DLG3: variants seen among roughly 807,000 people sequenced by gnomAD.
DLG3 encodes discs large MAGUK scaffold protein 3, also known as disks large homolog 3.
In DLG3, 1 loss-of-function variant was observed where a neutral mutation model predicts 64.1. That is an observed-to-expected ratio of 0.02 (90% CI 0.01 to 0.07). The LOEUF (loss-of-function observed/expected upper bound fraction) is 0.07, where lower values mean the gene tolerates loss of function less well. Among genes scored for constraint, DLG3 ranks in the 10% least tolerant of loss-of-function variants. The pLI is 1.00. For missense variants in DLG3, 429 were observed against 669.5 expected (o/e 0.64, Z 3.96); for synonymous variants, 245 against 259.8 (o/e 0.94, Z 0.55).
At chrX:70,445,636 G>A (rs1236364569) in intron 1 of DLG3, 78 bp downstream of exon 1, 3 of 968,505 alleles carry the variant, frequency 3.1e-6, no homozygotes, top group Non-Finnish European at 4.3e-6. Flanking sequence ...CTGGGATGCA[G>A]TAGGGGTCGC....
intron 10 of DLG3, among the ~76,000 whole-genome samples, chrX:70,487,740 C>T (rs1226139179): frequency 8.9e-6 from 1 of 112,160 alleles, no homozygotes; most frequent in Non-Finnish European, 1.9e-5. Flanking sequence ...CAACCTCTGC[C>T]TCCTGGGTTC....
At chrX:70,501,643 C>T (rs1204188664) in intron 18 of DLG3, among the ~76,000 whole-genome samples, 1 of 111,310 alleles carries the variant, frequency 9.0e-6, no homozygotes, top group African/African-American at 3.3e-5. Flanking sequence ...TTACCATCAG[C>T]ATCCATGTCC....
intron 7 of DLG3, chrX:70,452,238 G>A: frequency 1.9e-6 from 2 of 1,076,579 alleles, no homozygotes; most frequent in South Asian, 5.0e-5. Flanking sequence ...TACCATCAGG[G>A]GGAGTGCCGA....
At chrX:70,501,308 C>G (rs1464589937) in intron 18 of DLG3, among the ~76,000 whole-genome samples, 1 of 110,404 alleles carries the variant, frequency 9.1e-6, no homozygotes, top group Non-Finnish European at 1.9e-5. Context: ...TCCCCCTCCC[C>G]CAGTACTTTG....
rs900744915 is a variant in DLG3 at position 70,477,937 on chromosome X, C to T, written c.1406-1213C>T. Among the ~76,000 whole-genome samples the T allele has an allele frequency of 8.0e-5, 9 of 111,804 alleles. No homozygotes were observed. The Admixed American group carries it at 8.5e-4, about 11-fold the overall frequency. On this transcript the variant is annotated intron_variant, in intron 9 of 18. Coordinates refer to ENST00000374360, the MANE Select transcript of DLG3 (RefSeq NM_021120.4). ...GGTGTTTTGTTTTCTCCTGTAGAGT[C>T]ATACGGACTAGGTGGGGATGCTTCT...
chrX:70,454,917 G>T (rs941042327), intron 9 of DLG3, among the ~76,000 whole-genome samples: 4 of 113,187 alleles, frequency 3.5e-5, no homozygotes, highest in African/African-American at 1.3e-4. Flanking sequence ...GGCTGGTCAT[G>T]CAAATAAAGG....
intron 1 of DLG3, among the ~76,000 whole-genome samples, chrX:70,448,136 G>A (rs1365409095): frequency 8.9e-6 from 1 of 112,156 alleles, no homozygotes; most frequent in African/African-American, 3.2e-5. Context: ...CCTATTTGAG[G>A]AATTGGGTTC....
Position 70,503,190 on chromosome X carries a change from G to A in DLG3, c.*921G>A, listed in dbSNP as rs1338157490. The A allele has an allele frequency of 1.8e-5, 2 of 112,527 alleles. No individual in the cohort carries two copies. Among genetic ancestry groups the A allele is most frequent in the African/African-American group, 6.5e-5 (2 of 30,859 alleles). 9.3% of individuals were successfully genotyped at this position (112,527 alleles called of 1,213,427 possible). A position where few individuals can be genotyped will look rare whatever the true frequency, so the allele number is the denominator to read the frequency against. On this transcript the variant is annotated 3_prime_UTR_variant, in exon 19 of 19. Coordinates refer to ENST00000374360, the MANE Select transcript of DLG3 (RefSeq NM_021120.4). ...GATGCTCCGCGTGGAATTGCCTATTGTTTTATGCCACCTGATGTGTCTGCA... is the reference window on the plus strand; with the variant it reads ...GATGCTCCGCGTGGAATTGCCTATTATTTTATGCCACCTGATGTGTCTGCA...
intron 9 of DLG3, among the ~76,000 whole-genome samples, chrX:70,461,340 A>T (rs2086797345): frequency 9.0e-6 from 1 of 111,632 alleles, no homozygotes; most frequent in Admixed American, 9.5e-5. Flanking sequence ...TCATGTGCTT[A>T]TTGTTTGCTA....
At position 70,482,662 on chromosome X, in the gene DLG3, G is replaced by GTTT. The variant is rs774419870; in HGVS notation, c.1520+3419_1520+3421dup. Among the ~76,000 whole-genome samples the GTTT allele has an allele frequency of 6.8e-4, 45 of 66,051 alleles. 1 individual carries two copies. Among genetic ancestry groups the GTTT allele is most frequent in the Non-Finnish European group, 9.6e-4 (35 of 36,537 alleles). 57.4% of individuals were successfully genotyped at this position (66,051 alleles called of 115,157 possible). ...AGGTTTGGGAAAATACATGTGTGGT[G>GTTT]TTTTTTTTTTTTTTTTTTTTTTTGA... On this transcript the variant is annotated intron_variant, in intron 10 of 18. Transcript: ENST00000374360.
intron 9 of DLG3, among the ~76,000 whole-genome samples, chrX:70,471,561 C>T (rs757417247): frequency 4.5e-5 from 5 of 111,020 alleles, no homozygotes; most frequent in Non-Finnish European, 9.4e-5. Flanking sequence ...AATCTCCTGA[C>T]CTCGTGATCC....
Position 70,449,674 on chromosome X carries a change from C to T in DLG3, c.534-16C>T, listed in dbSNP as rs759640308. ...GGTAGGGGCACAGTGTCATGCCTCT[C>T]GGGCTTCCCCCACAGGGTGAATGAC... On this transcript the variant is annotated splice_polypyrimidine_tract_variant and intron_variant, in intron 3 of 18. Transcript: ENST00000374360. The T allele has an allele frequency of 3.1e-5, 37 of 1,209,082 alleles. No individual in the cohort carries two copies. Among genetic ancestry groups the T allele is most frequent in the Admixed American group, 4.4e-5 (2 of 45,899 alleles).
chrX:70,481,869 G>T (rs2087160492), intron 10 of DLG3, among the ~76,000 whole-genome samples: 2 of 111,746 alleles, frequency 1.8e-5, no homozygotes, highest in South Asian at 7.4e-4. Flanking sequence ...CCTTTCATTA[G>T]CTCTGCCCCC....
intron 9 of DLG3, among the ~76,000 whole-genome samples, chrX:70,470,883 T>TC (rs1368484286): frequency 8.9e-6 from 1 of 112,142 alleles, no homozygotes; most frequent in Admixed American, 9.5e-5. Context: ...ACTTGTAGTT[T>TC]CAGTCCCCTT....
intron 18 of DLG3, among the ~76,000 whole-genome samples, 155 bp downstream of exon 18, chrX:70,501,144 A>G (rs894394764): frequency 2.7e-4 from 30 of 111,176 alleles, no homozygotes; most frequent in African/African-American, 9.8e-4. Context: ...CAAAGCACAC[A>G]AGTTCCCCGT....
In DLG3 at chrX:70,444,919, G is replaced by A. The variant is rs1391629983; in HGVS notation, c.-283G>A. 1.5e-5 allele frequency: 3 copies of A among 195,903 alleles called. No individual in the cohort carries two copies. Among genetic ancestry groups the A allele is most frequent in the Non-Finnish European group, 2.8e-5 (3 of 107,384 alleles). 16.1% of individuals were successfully genotyped at this position (195,903 alleles called of 1,213,427 possible). A position where few individuals can be genotyped will look rare whatever the true frequency, so the allele number is the denominator to read the frequency against. On this transcript the variant is annotated 5_prime_UTR_variant, in exon 1 of 19. Coordinates refer to ENST00000374360, the MANE Select transcript of DLG3 (RefSeq NM_021120.4). ...CTGCTTGAGCTCCCGCTTCTTCTTTGCCGCTGGGCCTCGGCCCAGAAGCCA... is the reference window on the plus strand; with the variant it reads ...CTGCTTGAGCTCCCGCTTCTTCTTTACCGCTGGGCCTCGGCCCAGAAGCCA...
intron 12 of DLG3, among the ~76,000 whole-genome samples, chrX:70,494,592 C>T (rs761839267): frequency 1.3e-4 from 15 of 112,184 alleles, no homozygotes; most frequent in Non-Finnish European, 2.6e-4. Context: ...TGGCTCTGCT[C>T]ATGAGCAGTT....
chrX:70,454,445 C>T, intron 9 of DLG3, 129 bp downstream of exon 9: 1 of 570,954 alleles, frequency 1.8e-6, no homozygotes, highest in East Asian at 3.6e-5. Context: ...TAACCTCTTC[C>T]TCTCTCCTTT....
chrX:70,473,260 C>T (rs972534109), intron 9 of DLG3, among the ~76,000 whole-genome samples: 1 of 110,222 alleles, frequency 9.1e-6, no homozygotes, highest in Non-Finnish European at 1.9e-5. Flanking sequence ...TGCCAGTATC[C>T]CCTTGCTTTC....
Sources: allele counts gnomAD v4.1 joint callset (sites outside exome capture counted in the v4.1 genomes callset), GRCh38; gene constraint gnomAD v4.1.1; transcripts MANE v1.5; gene names NCBI Gene and HGNC (gene_info 2026-07-23, HGNC 2026-07-21).